Variants in DOCK7 observed in about 807,000 individuals in gnomAD.
DOCK7 encodes the protein dedicator of cytokinesis 7.
DOCK7 carries 138 observed loss-of-function variants against 271.0 expected under a neutral mutation model. That is an observed-to-expected ratio of 0.51 (90% CI 0.44 to 0.59). The LOEUF is 0.59. Among genes scored for constraint, DOCK7 ranks in the 20% least tolerant of loss-of-function variants. The pLI, the probability that DOCK7 is intolerant of heterozygous loss-of-function variation, is 0.00. For missense variants in DOCK7, 2,066 were observed against 2,592.4 expected (o/e 0.80, Z 4.41); for synonymous variants, 823 against 876.1 (o/e 0.94, Z 1.07).
chr1:62,500,509 C>A (rs1227298634), intron 37 of DOCK7, among the ~76,000 whole-genome samples: 1 of 152,018 alleles, frequency 6.6e-6, no homozygotes, highest in Non-Finnish European at 1.5e-5. Context: ...ATTTTATATT[C>A]AAGAAAATTT....
intron 7 of DOCK7, among the ~76,000 whole-genome samples, chr1:62,644,819 C>G (rs535808476): frequency 1.3e-4 from 20 of 152,132 alleles, no homozygotes; most frequent in African/African-American, 4.8e-4. Flanking sequence ...CACTTTAAAC[C>G]TGGACTTTTC....
In DOCK7 at chr1:62,653,763, T is replaced by C; in HGVS notation, c.351A>G (p.Ile117Met). The change falls in exon 4 of 50, where the codon ATA (isoleucine) becomes ATG (methionine). Residue 117 changes from isoleucine to methionine, a missense_variant. Ile to Met is a conservative substitution (Grantham distance 10, BLOSUM62 1). Transcript: ENST00000635253. The part of the protein sequence containing the change: ...SEMDPHVRDC[I>M]RSYTEDWAIV... ...TTGCCCAGTCTTCTGTATAACTTCT[T>C]ATACAGTCTCTAACATGTGGATCCA... 6.3e-7 allele frequency: 1 copy of C among 1,596,004 alleles called. No individual in the cohort carries two copies. Among genetic ancestry groups the C allele is most frequent in the Non-Finnish European group, 8.6e-7 (1 of 1,164,730 alleles).
chr1:62,539,508 A>G, intron 27 of DOCK7, 37 bp downstream of exon 27: 2 of 1,504,522 alleles, frequency 1.3e-6, no homozygotes, highest in Non-Finnish European at 1.8e-6. Flanking sequence ...TAGTATTTAA[A>G]TTATTTGATT....
At chr1:62,597,954 G>T (rs1397217453) in intron 14 of DOCK7, 1 of 1,551,748 alleles carries the variant, frequency 6.4e-7, no homozygotes. Context: ...CCTCCTAGAA[G>T]AAAAAATTCT....
intron 9 of DOCK7, 68 bp from the exon 10 acceptor site, chr1:62,633,646 C>A (rs892666479): frequency 2.8e-6 from 3 of 1,080,102 alleles, no homozygotes; most frequent in African/African-American, 1.6e-5. Context: ...GTTCAATATA[C>A]GAAAATCAAT....
chr1:62,654,196 C>T, intron 2 of DOCK7, 37 bp from the exon 3 acceptor site: 1 of 1,548,488 alleles, frequency 6.5e-7, no homozygotes, highest in Non-Finnish European at 8.8e-7. Context: ...GGGTAGAAAA[C>T]AAGAGGTGAA....
intron 48 of DOCK7, among the ~76,000 whole-genome samples, chr1:62,467,538 G>C (rs1405163385): frequency 6.6e-6 from 1 of 152,094 alleles, no homozygotes; most frequent in Non-Finnish European, 1.5e-5. Flanking sequence ...TTATGATAAG[G>C]GCACAGAAAC....
At chr1:62,495,404 C>T in intron 39 of DOCK7, 177 bp downstream of exon 39, 1 of 394,088 alleles carries the variant, frequency 2.5e-6, no homozygotes, top group East Asian at 4.6e-5. Flanking sequence ...CCAGCCTGGG[C>T]AATATGGTAA....
chr1:62,614,840 T>G (rs918541823), intron 14 of DOCK7, among the ~76,000 whole-genome samples: 30 of 151,940 alleles, frequency 2.0e-4, no homozygotes, highest in Non-Finnish European at 3.7e-4. Flanking sequence ...AAACTGTGAC[T>G]TTAAGAGAAG....
intron 18 of DOCK7, among the ~76,000 whole-genome samples, chr1:62,572,152 G>C (rs1646802832): frequency 6.6e-6 from 1 of 152,140 alleles, no homozygotes; most frequent in African/African-American, 2.4e-5. Flanking sequence ...AAATACTCAA[G>C]CCCCAACCTA....
At chr1:62,597,573 A>G (rs1649443987) in intron 14 of DOCK7, 1 of 1,612,406 alleles carries the variant, frequency 6.2e-7, no homozygotes, top group Non-Finnish European at 8.5e-7. Context: ...AAAAATGTTC[A>G]CAATTAAGCT....
chr1:62,518,573 CAA>C (rs1228634392), intron 31 of DOCK7, among the ~76,000 whole-genome samples: 23 of 98,100 alleles, frequency 2.3e-4, no homozygotes, highest in Admixed American at 3.5e-4. Flanking sequence ...GACTCCATCT[CAA>C]AAAAAAAAAA....
rs1350942960 is a variant in DOCK7 at position 62,670,281 on chromosome 1, G to A, written c.39-7151C>T. ...CAAGGGCTGAGGAATGCGAGCGCAC[G>A]GCGCAGGACTGGCAGGCAGCTCCAC... On this transcript the variant is annotated intron_variant, in intron 1 of 49. Transcript: ENST00000635253. Among the ~76,000 whole-genome samples, 15 of 152,362 alleles carry A rather than the reference G, an allele frequency of 9.8e-5. No homozygotes were observed. The East Asian group carries it at 1.2e-3, about 12-fold the overall frequency.
chr1:62,550,732 T>C (rs971788689), intron 22 of DOCK7, among the ~76,000 whole-genome samples: 65 of 152,080 alleles, frequency 4.3e-4, no homozygotes, highest in South Asian at 1.2e-3. Context: ...TTTTTTTTTT[T>C]TTTCTGAAAT....
intron 14 of DOCK7, chr1:62,601,271 T>C: frequency 9.7e-7 from 1 of 1,032,022 alleles, no homozygotes; most frequent in Non-Finnish European, 1.5e-6. Flanking sequence ...TGTTCTAGAC[T>C]AAAAGATAGT....
At chr1:62,487,513 AG>A in intron 42 of DOCK7, 101 bp from the exon 43 acceptor site, 1 of 934,992 alleles carries the variant, frequency 1.1e-6, no homozygotes, top group South Asian at 1.5e-5. Context: ...CTCCACAAAC[AG>A]AAGACAGCAG....
Position 62,655,670 on chromosome 1 carries a change from G to A in DOCK7, c.145-1511C>T, listed in dbSNP as rs893733242. The stretch of plus-strand genomic sequence containing the variant: ...TGGAACTCCTGAGCTCAAGCAATCC[G>A]CCTGCTTCGGCCTCCCGAAGTGCTG... On this transcript the variant is annotated intron_variant, in intron 2 of 49. Coordinates refer to ENST00000635253, the MANE Select transcript of DOCK7 (RefSeq NM_001367561.1). Among the ~76,000 whole-genome samples the A allele has an allele frequency of 7.9e-5, 12 of 152,204 alleles. 1 individual carries two copies. The highest frequency in any genetic ancestry group is 2.1e-4 in the South Asian group (1 of 4,824).
At chr1:62,490,351 A>G (rs1427439953) in intron 41 of DOCK7, among the ~76,000 whole-genome samples, 3 of 150,348 alleles carry the variant, frequency 2.0e-5, no homozygotes, top group Admixed American at 2.0e-4. Flanking sequence ...TTACTATGCA[A>G]CCTCCCAAAG....
intron 2 of DOCK7, among the ~76,000 whole-genome samples, chr1:62,654,644 T>C (rs1657774840): frequency 6.6e-6 from 1 of 152,136 alleles, no homozygotes; most frequent in Non-Finnish European, 1.5e-5. Flanking sequence ...TCCTAACACA[T>C]GGGCCCTGTA....
Sources: allele counts gnomAD v4.1 joint callset (sites outside exome capture counted in the v4.1 genomes callset), GRCh38; gene constraint gnomAD v4.1.1; transcripts MANE v1.5; gene names NCBI Gene and HGNC (gene_info 2026-07-23, HGNC 2026-07-21).